KBTBD6: variants seen among roughly 807,000 people sequenced by gnomAD.
The protein encoded by KBTBD6 is kelch repeat and BTB domain-containing protein 6.
A neutral mutation model predicts 34.4 loss-of-function variants in KBTBD6; 6 were observed. The observed-to-expected ratio is 0.17, with a 90% confidence interval of 0.10 to 0.34. KBTBD6 has a LOEUF of 0.34. KBTBD6 is among the 10% of genes least tolerant of loss of function. The pLI is 1.00. For missense variants in KBTBD6, 557 were observed against 856.0 expected, an observed-to-expected ratio of 0.65 and a Z score of 4.36; for synonymous variants, 288 against 327.2, an observed-to-expected ratio of 0.88 and a Z score of 1.29.
Position 41,131,688 on chromosome 13 carries a change from T to C in KBTBD6, c.824A>G (p.Gln275Arg). 2 of 1,614,202 alleles carry C rather than the reference T, an allele frequency of 1.2e-6. No homozygotes were observed. Among genetic ancestry groups the C allele is most frequent in the Non-Finnish European group, 1.7e-6 (2 of 1,180,022 alleles). Residue 275 changes from glutamine to arginine, a missense_variant, in exon 1 of 1, where the codon CAG becomes CGG. Coordinates refer to ENST00000379485, the MANE Select transcript of KBTBD6 (RefSeq NM_152903.5). The surrounding 1 kb of genome is among the most constrained non-coding windows in gnomAD (Gnocchi z 5.8). The stretch of plus-strand genomic sequence containing the variant: ...GGTCAGCAGCCCTTCTAAGTAGTCC[T>C]GATCTTCTTCAGTGAAGTGCATCCA... The part of the protein sequence containing the change: ...VRWMHFTEED[Q>R]DYLEGLLTKP...
In KBTBD6 at chr13:41,132,592, C is replaced by T. The variant is rs2030130187; in HGVS notation, c.-81G>A. ...CTCCTCCTCAACCTTCCCTCGCTGA[C>T]GCTAAGATAGCAGCGTCTCCGAAGA... On this transcript the variant is annotated 5_prime_UTR_variant, in exon 1 of 1. Coordinates refer to ENST00000379485, the MANE Select transcript of KBTBD6 (RefSeq NM_152903.5). The T allele has an allele frequency of 6.7e-7, 1 of 1,483,370 alleles. No individual in the cohort carries two copies. Among genetic ancestry groups the T allele is most frequent in the African/African-American group, 1.4e-5 (1 of 71,438 alleles). The allele number at this position is 1,483,370 out of a possible 1,614,324, so 91.9% of individuals were successfully genotyped here.
In KBTBD6 at chr13:41,131,149, C is replaced by T; in HGVS notation, c.1363G>A (p.Glu455Lys). Residue 455 changes from glutamate to lysine, a missense_variant, in exon 1 of 1, where the codon GAA (glutamate) becomes AAA (lysine). Glu to Lys is a moderately conservative substitution (Grantham distance 56, BLOSUM62 1). This residue lies in a region of KBTBD6 where 309 missense variants were observed against 504.5 expected (regional missense o/e 0.61). Transcript: ENST00000379485. The surrounding 1 kb of genome is among the most constrained non-coding windows in gnomAD (Gnocchi z 5.8). Reference sequence around the variant, plus strand: ...TGGTTTCTCTTAACATTGTAGCATTCCACTTCCTTCAACTTAACTCCAGTA... The same window carrying T: ...TGGTTTCTCTTAACATTGTAGCATTTCACTTCCTTCAACTTAACTCCAGTA... ...PITGVKLKEVECYNVKRNQWA... is the reference protein window; with the variant it reads ...PITGVKLKEVKCYNVKRNQWA... The T allele has an allele frequency of 6.2e-7, 1 of 1,614,184 alleles. No homozygotes were observed. The highest frequency in any genetic ancestry group is 8.5e-7 in the Non-Finnish European group (1 of 1,180,032).
Position 41,132,345 on chromosome 13 carries a change from A to G in KBTBD6, c.167T>C (p.Phe56Ser). ...SAALLAQLKS[F>S]YDARLLCDVT... ...ATCACACAGCAGCCGCGCATCGTAG[A>G]AGGACTTGAGCTGTGCCAGCAGGGC... The change falls in exon 1 of 1, where the codon TTC (phenylalanine) becomes TCC (serine). Residue 56 changes from phenylalanine to serine, a missense_variant. This residue lies in a region of KBTBD6 where 108 missense variants were observed against 209.6 expected (regional missense o/e 0.52). Transcript: ENST00000379485. 6.2e-7 allele frequency: 1 copy of G among 1,614,220 alleles called. No individual in the cohort carries two copies. The highest frequency in any genetic ancestry group is 8.5e-7 in the Non-Finnish European group (1 of 1,180,036).
Position 41,130,974 on chromosome 13 carries a change from T to C in KBTBD6, c.1538A>G (p.Asn513Ser), listed in dbSNP as rs200203929. 1.4e-4 allele frequency: 220 copies of C among 1,613,994 alleles called. No individual in the cohort carries two copies. The highest frequency in any genetic ancestry group is 1.6e-4 in the Non-Finnish European group (188 of 1,179,948). ...MWLKCVSLKR[N>S]DFQEACVFNE... Reference sequence around the variant, plus strand: ...GAAGACGCAGGCTTCCTGAAAGTCATTGCGCTTCAGAGAAACGCACTTCAG... The same window carrying C: ...GAAGACGCAGGCTTCCTGAAAGTCACTGCGCTTCAGAGAAACGCACTTCAG... The change falls in exon 1 of 1, where the codon AAT becomes AGT. Residue 513 changes from asparagine (N) to serine (S), a missense_variant. Asn to Ser is a conservative substitution (Grantham distance 46). Around this residue, in one of 4 missense-constraint regions of KBTBD6, gnomAD observed 309 missense variants for 504.5 expected, o/e 0.61. Transcript: ENST00000379485. This position sits in a 1 kb window ranked among gnomAD's most constrained non-coding sequence, Gnocchi z 4.8.
In KBTBD6 at chr13:41,127,991, A is replaced by G. The variant is rs1390917257; in HGVS notation, c.*2496T>C. 3.3e-5 allele frequency: 5 copies of G among 152,380 alleles called. No individual in the cohort carries two copies. The highest frequency in any genetic ancestry group is 1.9e-4 in the East Asian group (1 of 5,192). The allele number at this position is 152,380 out of a possible 1,614,324, so 9.4% of individuals were successfully genotyped here. On this transcript the variant is annotated 3_prime_UTR_variant, in exon 1 of 1. Transcript: ENST00000379485. ...AAGCACATTTGCCCTTTTGAAGCAC[A>G]TACTAGTATGGCACATTTTATTTCA... is the stretch of plus-strand genomic sequence containing the variant.
Position 41,130,899 on chromosome 13 carries a change from T to C in KBTBD6, c.1613A>G (p.Asn538Ser), listed in dbSNP as rs751761007. The change falls in exon 1 of 1, where the codon AAC (asparagine) becomes AGC (serine). Residue 538 changes from asparagine (N) to serine (S), a missense_variant. Coordinates refer to ENST00000379485, the MANE Select transcript of KBTBD6 (RefSeq NM_152903.5). This position sits in a 1 kb window ranked among gnomAD's most constrained non-coding sequence, Gnocchi z 4.8. ...ICDIPVMKVY[N>S]PVRAEWRQMN... ...TTGCCTCCATTCTGCCCTAACTGGG[T>C]TGTAGACCTTCATGACTGGGATATC... 1.4e-5 allele frequency: 23 copies of C among 1,614,028 alleles called. No individual in the cohort carries two copies. The highest frequency in any genetic ancestry group is 1.9e-5 in the Non-Finnish European group (22 of 1,180,012).
Position 41,131,990 on chromosome 13 carries a change from G to C in KBTBD6, c.522C>G (p.Thr174=), listed in dbSNP as rs770956810. The C allele has an allele frequency of 5.0e-6, 8 of 1,614,138 alleles. No individual in the cohort carries two copies. The highest frequency in any genetic ancestry group is 1.7e-5 in the Admixed American group (1 of 60,010). Residue 174 remains threonine, a synonymous_variant, in exon 1 of 1, where the codon ACC becomes ACG. Coordinates refer to ENST00000379485, the MANE Select transcript of KBTBD6 (RefSeq NM_152903.5). The surrounding 1 kb of genome is among the most constrained non-coding windows in gnomAD (Gnocchi z 5.8). ...LARRLDLTNC[T]AILKFADAFG... is the part of the protein sequence containing the mutation. ...AGGCATCTGCAAACTTGAGGATGGC[G>C]GTGCAGTTGGTCAGGTCAAGACGTC...
At position 41,129,724 on chromosome 13, in the gene KBTBD6, G is replaced by A. The variant is rs1418732592; in HGVS notation, c.*763C>T. 7.9e-6 allele frequency: 1 copy of A among 126,390 alleles called. No homozygotes were observed. Among genetic ancestry groups the A allele is most frequent in the African/African-American group, 3.0e-5 (1 of 33,632 alleles). 7.8% of individuals were successfully genotyped at this position (126,390 alleles called of 1,614,324 possible). ...ACTCTGTCATCCAGGCTGGAGTGCA[G>A]TGGCCCAGTCTCGGCTCTCTGCAGC... On this transcript the variant is annotated 3_prime_UTR_variant, in exon 1 of 1. Coordinates refer to ENST00000379485, the MANE Select transcript of KBTBD6 (RefSeq NM_152903.5).
rs960737761 is a variant in KBTBD6, at chr13:41,130,368, G to A, written c.*119C>T. On this transcript the variant is annotated 3_prime_UTR_variant, in exon 1 of 1. Transcript: ENST00000379485. This position sits in a 1 kb window ranked among gnomAD's most constrained non-coding sequence, Gnocchi z 4.8. ...TTACTTTTTCTAAACCAAACCAGAA[G>A]TTAATCAACTTTTCCTCTCCTTTAG... The A allele has an allele frequency of 2.8e-5, 20 of 717,732 alleles. No homozygotes were observed. The highest frequency in any genetic ancestry group is 4.5e-5 in the Non-Finnish European group (20 of 447,706). 44.5% of individuals were successfully genotyped at this position (717,732 alleles called of 1,614,324 possible).
rs1225172669 is a variant in KBTBD6, at chr13:41,130,074, T to A, written c.*413A>T. ...AGGTTAACCATTTTGGAAGTCTACA[T>A]TGTTCTGAAGAAAAAGATATGCTTT... On this transcript the variant is annotated 3_prime_UTR_variant, in exon 1 of 1. Transcript: ENST00000379485. This position sits in a 1 kb window ranked among gnomAD's most constrained non-coding sequence, Gnocchi z 4.8. The A allele has an allele frequency of 6.4e-6, 1 of 157,282 alleles. No homozygotes were observed. The highest frequency in any genetic ancestry group is 1.9e-4 in the East Asian group (1 of 5,368). The allele number at this position is 157,282 out of a possible 1,614,324, so 9.7% of individuals were successfully genotyped here.
chr13:41,128,785 C>T lies in KBTBD6; in HGVS notation c.*1702G>A, dbSNP rs2030037156. ...AGTGATCCTACATTCAAGTGATCCT[C>T]CCAAGTAACTGGGACTCAGACTTGG... is the stretch of plus-strand genomic sequence containing the variant. On this transcript the variant is annotated 3_prime_UTR_variant, in exon 1 of 1. Coordinates refer to ENST00000379485, the MANE Select transcript of KBTBD6 (RefSeq NM_152903.5). 3.1e-6 allele frequency: 1 copy of T among 321,752 alleles called. No homozygotes were observed. Among genetic ancestry groups the T allele is most frequent in the South Asian group, 1.6e-4 (1 of 6,260 alleles). 19.9% of individuals were successfully genotyped at this position (321,752 alleles called of 1,614,324 possible).
Position 41,131,864 on chromosome 13 carries a change from A to T in KBTBD6, c.648T>A (p.Asp216Glu). 1 of 1,614,252 alleles carries T rather than the reference A, an allele frequency of 6.2e-7. No individual in the cohort carries two copies. Among genetic ancestry groups the T allele is most frequent in the Non-Finnish European group, 8.5e-7 (1 of 1,180,040 alleles). Residue 216 changes from aspartate to glutamate, a missense_variant, in exon 1 of 1, where the codon GAT (aspartate) becomes GAA (glutamate). Asp to Glu is a conservative substitution (Grantham distance 45). Coordinates refer to ENST00000379485, the MANE Select transcript of KBTBD6 (RefSeq NM_152903.5). This position sits in a 1 kb window ranked among gnomAD's most constrained non-coding sequence, Gnocchi z 5.8. ...CAGCCAGCAGCTGGGCCAGGGTCAG[A>T]TCTGCTAGAGTCTCCTCCCGAATTG... is the stretch of plus-strand genomic sequence containing the variant. Reference protein sequence around the residue: ...MGSIREETLADLTLAQLLAVL... With the variant: ...MGSIREETLAELTLAQLLAVL...
Position 41,130,034 on chromosome 13 carries a change from T to G in KBTBD6, c.*453A>C, listed in dbSNP as rs2030061705. The G allele has an allele frequency of 6.5e-6, 1 of 152,836 alleles. No homozygotes were observed. Among genetic ancestry groups the G allele is most frequent in the African/African-American group, 2.4e-5 (1 of 41,472 alleles). The allele number at this position is 152,836 out of a possible 1,614,324, so 9.5% of individuals were successfully genotyped here. On this transcript the variant is annotated 3_prime_UTR_variant, in exon 1 of 1. Coordinates refer to ENST00000379485, the MANE Select transcript of KBTBD6 (RefSeq NM_152903.5). This position sits in a 1 kb window ranked among gnomAD's most constrained non-coding sequence, Gnocchi z 4.8. ...AATTATGTTTAACTTATAACACATTTTGTAAAGACCCCTTAGGTTAACCAT... is the reference window on the plus strand; with the variant it reads ...AATTATGTTTAACTTATAACACATTGTGTAAAGACCCCTTAGGTTAACCAT...
rs1357989866 is a variant in KBTBD6 at position 41,132,446 on chromosome 13, G to A, written c.66C>T (p.Pro22=). The stretch of plus-strand genomic sequence containing the variant: ...AAACTGTGGGTTTGTGAATCTTCTT[G>A]GGCCGCTTCCCACCACGGGGACTGG... ...RLASPRGGKR[P]KKIHKPTVSA... The change falls in exon 1 of 1, where the codon CCC becomes CCT. Residue 22 remains proline (P), a synonymous_variant. Transcript: ENST00000379485. 6.2e-7 allele frequency: 1 copy of A among 1,614,088 alleles called. No homozygotes were observed. The highest frequency in any genetic ancestry group is 2.2e-5 in the East Asian group (1 of 44,896).
rs778144190 is a variant in KBTBD6 at position 41,131,918 on chromosome 13, C to G, written c.594G>C (p.Gln198His). The stretch of plus-strand genomic sequence containing the variant: ...CCATGTGGCTGAGTTGCTTGAAGTT[C>G]TGAGCTATATAGGACTGGGCCTGGG... The part of the protein sequence containing the change: ...LRSQAQSYIA[Q>H]NFKQLSHMGS... The change falls in exon 1 of 1, where the codon CAG (glutamine) becomes CAC (histidine). Residue 198 changes from glutamine to histidine, a missense_variant. Transcript: ENST00000379485. This position sits in a 1 kb window ranked among gnomAD's most constrained non-coding sequence, Gnocchi z 5.8. 2.1e-5 allele frequency: 34 copies of G among 1,614,130 alleles called. No individual in the cohort carries two copies. The highest frequency in any genetic ancestry group is 8.3e-5 in the Admixed American group (5 of 60,010).
rs2030099874 is a variant in KBTBD6 at position 41,131,685 on chromosome 13, T to C, written c.827A>G (p.Asp276Gly). ...CTTGGTCAGCAGCCCTTCTAAGTAG[T>C]CCTGATCTTCTTCAGTGAAGTGCAT... ...RWMHFTEEDQ[D>G]YLEGLLTKPI... Residue 276 changes from aspartate to glycine, a missense_variant, in exon 1 of 1, where the codon GAC (aspartate) becomes GGC (glycine). Asp to Gly is a moderately conservative substitution (Grantham distance 94). This residue lies in a region of KBTBD6 where 309 missense variants were observed against 504.5 expected (regional missense o/e 0.61). Transcript: ENST00000379485. The surrounding 1 kb of genome is among the most constrained non-coding windows in gnomAD (Gnocchi z 5.8). 1 of 1,614,172 alleles carries C rather than the reference T, an allele frequency of 6.2e-7. No individual in the cohort carries two copies. Among genetic ancestry groups the C allele is most frequent in the Non-Finnish European group, 8.5e-7 (1 of 1,180,004 alleles).
Position 41,131,245 on chromosome 13 carries a change from G to A in KBTBD6, c.1267C>T (p.Leu423=), listed in dbSNP as rs2030085041. 3 of 1,614,024 alleles carry A rather than the reference G, an allele frequency of 1.9e-6. No individual in the cohort carries two copies. In the South Asian group the frequency reaches 3.3e-5, roughly 18 times the overall value. Residue 423 remains leucine, a synonymous_variant, in exon 1 of 1, where the codon CTG becomes TTG. Coordinates refer to ENST00000379485, the MANE Select transcript of KBTBD6 (RefSeq NM_152903.5). The surrounding 1 kb of genome is among the most constrained non-coding windows in gnomAD (Gnocchi z 5.8). Reference sequence around the variant, plus strand: ...GCCACATCCATGCCCTCACGACACAGCAAGCGATCTGCAAGTTGCTGCCAA... The same window carrying A: ...GCCACATCCATGCCCTCACGACACAACAAGCGATCTGCAAGTTGCTGCCAA... ...NSWQQLADRL[L]CREGMDVAYL...
rs1422086926 is a variant in KBTBD6 at position 41,131,554 on chromosome 13, T to C, written c.958A>G (p.Ser320Gly). The C allele has an allele frequency of 5.0e-6, 8 of 1,613,868 alleles. No individual in the cohort carries two copies. The Admixed American group carries it at 1.3e-4, about 27-fold the overall frequency. The change falls in exon 1 of 1, where the codon AGC (serine) becomes GGC (glycine). Residue 320 changes from serine to glycine, a missense_variant. Ser to Gly is a moderately conservative substitution (Grantham distance 56, BLOSUM62 0). Transcript: ENST00000379485. This position sits in a 1 kb window ranked among gnomAD's most constrained non-coding sequence, Gnocchi z 5.8. ...SLVPVPNSSS[S>G]SSSSNSLVSA... ...ACAAGAGAGTTGCTGCTGCTACTGC[T>C]GCTGCTGCTGTTTGGCACTGGCACC... is the stretch of plus-strand genomic sequence containing the variant.
At position 41,130,939 on chromosome 13, in the gene KBTBD6, TCTC is replaced by T; in HGVS notation, c.1570_1572del (p.Glu524del). ...ACTGGGATATCACAGATACAATAGATCTCCTCATTGAAGACGCAGGCTTCCTGA... is the reference window on the plus strand; with the variant it reads ...ACTGGGATATCACAGATACAATAGATCTCATTGAAGACGCAGGCTTCCTGA... On this transcript the variant is annotated inframe_deletion, in exon 1 of 1. Coordinates refer to ENST00000379485, the MANE Select transcript of KBTBD6 (RefSeq NM_152903.5). This position sits in a 1 kb window ranked among gnomAD's most constrained non-coding sequence, Gnocchi z 4.8. 1.2e-6 allele frequency: 2 copies of T among 1,614,078 alleles called. No homozygotes were observed. Among genetic ancestry groups the T allele is most frequent in the Non-Finnish European group, 8.5e-7 (1 of 1,180,010 alleles).
Sources: gnomAD v4.1 joint callset for allele counts on GRCh38, gnomAD v4.1.1 for gene constraint, gnomAD v4.1.1 regional missense constraint, Gnocchi (gnomAD v3.1) non-coding constraint, MANE v1.5 for transcripts, NCBI Gene and HGNC (gene_info 2026-07-23, HGNC 2026-07-21) for gene names.